The following BCHE variants were observed in gnomAD, a reference collection of about 807,000 sequenced individuals.
The protein encoded by BCHE is cholinesterase.
In BCHE, 48 loss-of-function variants were observed where a neutral mutation model predicts 51.3. The observed-to-expected ratio is 0.94, with a 90% CI of 0.74 to 1.19. BCHE has a LOEUF of 1.19. Among genes scored for constraint, BCHE ranks in the 50% most tolerant of loss-of-function variants. The pLI, the probability that BCHE is intolerant of heterozygous loss-of-function variation, is 0.00. For missense variants in BCHE, 847 were observed against 708.2 expected, an observed-to-expected ratio of 1.20 and a Z score of -2.23; for synonymous variants, 251 against 238.0, an observed-to-expected ratio of 1.05 and a Z score of -0.50.
chr3:165,776,178 T>C (rs757463101), intron 3 of BCHE, among the ~76,000 whole-genome samples: 2 of 152,010 alleles, frequency 1.3e-5, no homozygotes, highest in African/African-American at 2.4e-5. Context: ...AAGACCTTTA[T>C]GGTAGGCAAT....
chr3:165,794,087 A>T (rs1032306237), intron 2 of BCHE, among the ~76,000 whole-genome samples: 5 of 151,998 alleles, frequency 3.3e-5, no homozygotes, highest in Middle Eastern at 3.2e-3. Context: ...TAAATTAAAT[A>T]AATTAATTAT....
chr3:165,830,985 G>A lies in BCHE; in HGVS notation c.49C>T (p.Leu17Phe). The change falls in exon 2 of 4, where the codon CTT (leucine) becomes TTT (phenylalanine). Residue 17 changes from leucine to phenylalanine, a missense_variant. By Grantham distance (22) the Leu-to-Phe change is conservative. Transcript: ENST00000264381. The stretch of plus-strand genomic sequence containing the variant: ...TTCCCAATAAGCATGCAGAGCAAAA[G>A]AAACCAAAAGAGAAATCTGATGCAT... ...IICIRFLFWF[L>F]LLCMLIGKSH... 6.2e-7 allele frequency: 1 copy of A among 1,613,636 alleles called. No individual in the cohort carries two copies. Among genetic ancestry groups the A allele is most frequent in the Non-Finnish European group, 8.5e-7 (1 of 1,179,826 alleles).
chr3:165,795,755 A>C (rs1713351188), intron 2 of BCHE, among the ~76,000 whole-genome samples: 1 of 152,140 alleles, frequency 6.6e-6, no homozygotes, highest in African/African-American at 2.4e-5. Context: ...AAATTTGCAA[A>C]AATTCATAAA....
chr3:165,791,452 C>T (rs534404492), intron 2 of BCHE, among the ~76,000 whole-genome samples: 23 of 152,204 alleles, frequency 1.5e-4, no homozygotes, highest in Non-Finnish European at 2.8e-4. Context: ...GAACTAGAGA[C>T]GTAGTGGCAG....
intron 1 of BCHE, among the ~76,000 whole-genome samples, chr3:165,834,728 T>C (rs1560025282): frequency 6.6e-6 from 1 of 151,874 alleles, no homozygotes; most frequent in Non-Finnish European, 1.5e-5. Context: ...TGAGTCTATA[T>C]CTCAAAATTT....
At position 165,797,096 on chromosome 3, in the gene BCHE, C is replaced by A. The variant is rs187392928; in HGVS notation, c.1518-10785G>T. On this transcript the variant is annotated intron_variant, in intron 2 of 3. Transcript: ENST00000264381. ...AAATCATATTAAAGAAAATCAGAAACTTTTTCTTTCCCTTCCTTCCTTCTT... is the reference window on the plus strand; with the variant it reads ...AAATCATATTAAAGAAAATCAGAAAATTTTTCTTTCCCTTCCTTCCTTCTT... Among the ~76,000 whole-genome samples, 520 of 151,714 alleles carry A rather than the reference C, an allele frequency of 3.4e-3. 1 individual carries two copies. The highest frequency in any genetic ancestry group is 0.012 in the African/African-American group (503 of 41,370).
Position 165,786,107 on chromosome 3 carries a change from T to C in BCHE, c.1684+38A>G. ...CTTCATCCCTTTTTTACATAACCCA[T>C]CATCTATTAAATAACCAAACACTAA... On this transcript the variant is annotated intron_variant, in intron 3 of 3. Coordinates refer to ENST00000264381, the MANE Select transcript of BCHE (RefSeq NM_000055.4). 1.9e-6 allele frequency: 3 copies of C among 1,586,878 alleles called. No homozygotes were observed. In the East Asian group the frequency reaches 6.7e-5, roughly 36 times the overall value.
chr3:165,774,972 C>G (rs1467326583), intron 3 of BCHE, among the ~76,000 whole-genome samples: 1 of 151,660 alleles, frequency 6.6e-6, no homozygotes, highest in Non-Finnish European at 1.5e-5. Flanking sequence ...GCATAATAAG[C>G]AATATATATA....
At chr3:165,779,882 G>A (rs1339942882) in intron 3 of BCHE, among the ~76,000 whole-genome samples, 1 of 152,026 alleles carries the variant, frequency 6.6e-6, no homozygotes, top group Non-Finnish European at 1.5e-5. Context: ...AACTACTATT[G>A]ACTTTCTTCA....
At chr3:165,801,108 G>C (rs1713624357) in intron 2 of BCHE, among the ~76,000 whole-genome samples, 1 of 152,128 alleles carries the variant, frequency 6.6e-6, no homozygotes, top group African/African-American at 2.4e-5. Context: ...AGAAACGTGA[G>C]AAAGATGAAC....
intron 2 of BCHE, among the ~76,000 whole-genome samples, chr3:165,805,589 T>A (rs1213300650): frequency 6.6e-6 from 1 of 152,186 alleles, no homozygotes; most frequent in Non-Finnish European, 1.5e-5. Context: ...GAAAGACATG[T>A]CTCTTCATAT....
chr3:165,803,048 A>AT (rs143152308), intron 2 of BCHE, among the ~76,000 whole-genome samples: 1 of 152,078 alleles, frequency 6.6e-6, no homozygotes, highest in South Asian at 2.1e-4. Flanking sequence ...AATAGATGAT[A>AT]TTTTTTAAAG....
intron 2 of BCHE, among the ~76,000 whole-genome samples, chr3:165,788,249 A>G (rs1177015958): frequency 2.0e-5 from 3 of 152,044 alleles, no homozygotes; most frequent in Non-Finnish European, 4.4e-5. Flanking sequence ...AATATGCACC[A>G]TAAATTCATA....
chr3:165,807,967 T>G (rs537263898), intron 2 of BCHE, among the ~76,000 whole-genome samples: 1 of 151,866 alleles, frequency 6.6e-6, no homozygotes, highest in East Asian at 1.9e-4. Context: ...TGGTATATTG[T>G]TGCTTGTTTT....
At position 165,829,952 on chromosome 3, in the gene BCHE, C is replaced by A; in HGVS notation, c.1082G>T (p.Gly361Val). 2 of 1,613,728 alleles carry A rather than the reference C, an allele frequency of 1.2e-6. No homozygotes were observed. Among genetic ancestry groups the A allele is most frequent in the Non-Finnish European group, 1.7e-6 (2 of 1,179,870 alleles). The change falls in exon 2 of 4, where the codon GGT (glycine) becomes GTT (valine). Residue 361 changes from glycine to valine, a missense_variant. Gly to Val is a moderately radical substitution (Grantham distance 109, BLOSUM62 -3). Coordinates refer to ENST00000264381, the MANE Select transcript of BCHE (RefSeq NM_000055.4). ...GTTATCTTTGCTGAAGCCAGGAGCA[C>A]CATAGACTAAAAAAGCTGTCCCTTC... ...KDEGTAFLVY[G>V]APGFSKDNNS...
chr3:165,773,388 AC>A lies in BCHE; in HGVS notation c.1802del (p.Gly601ValfsTer4), dbSNP rs535319263. 6.6e-5 allele frequency: 106 copies of A among 1,610,698 alleles called. 2 individuals carry two copies. The South Asian group carries it at 9.8e-4, about 15-fold the overall frequency. ...TAAAGGGTAAATCTATTAATTAGAGACCCACACAACTTTCTTTCTTGCTAGT... is the reference window on the plus strand; with the variant it reads ...TAAAGGGTAAATCTATTAATTAGAGACCACACAACTTTCTTTCTTGCTAGT... ...DYTSKKESCVGL is the reference protein window; with the variant it reads ...DYTSKKESCVXL On this transcript the variant is annotated frameshift_variant, in exon 4 of 4. Transcript: ENST00000264381. LOFTEE classifies it high-confidence loss of function.
chr3:165,800,906 T>A (rs1209724732), intron 2 of BCHE, among the ~76,000 whole-genome samples: 1 of 152,156 alleles, frequency 6.6e-6, no homozygotes, highest in Non-Finnish European at 1.5e-5. Context: ...TTAATAGATA[T>A]TAATTTATGT....
chr3:165,776,381 C>T (rs966290765), intron 3 of BCHE, among the ~76,000 whole-genome samples: 1 of 151,804 alleles, frequency 6.6e-6, no homozygotes, highest in African/African-American at 2.4e-5. Flanking sequence ...AATGCTGCCA[C>T]CAATGTTTCT....
At chr3:165,792,158 C>T (rs1713192959) in intron 2 of BCHE, among the ~76,000 whole-genome samples, 1 of 151,798 alleles carries the variant, frequency 6.6e-6, no homozygotes, top group African/African-American at 2.4e-5. Context: ...AATGACCTTG[C>T]CTAGAATGTG....
Sources: gnomAD v4.1 joint callset for allele counts (sites outside exome capture counted in the v4.1 genomes callset) on GRCh38, gnomAD v4.1.1 for gene constraint, MANE v1.5 for transcripts, NCBI Gene and HGNC (gene_info 2026-07-23, HGNC 2026-07-21) for gene names.